Variants in LRP8 observed in about 807,000 individuals in gnomAD.
The protein encoded by LRP8 is LDL receptor related protein 8.
Under a neutral mutation model 111.6 loss-of-function variants are expected in LRP8, and 46 were observed. The observed-to-expected ratio is 0.41, with a 90% CI of 0.33 to 0.53. The LOEUF is 0.53. Ranked by LOEUF, LRP8 falls within the 20% of genes least tolerant of loss-of-function variation. LRP8 has a pLI of 0.20. For missense variants in LRP8, 959 were observed against 1,297.4 expected (o/e 0.74, Z 4.01); for synonymous variants, 464 against 511.2 (o/e 0.91, Z 1.24).
chr1:53,270,890 A>G, intron 8 of LRP8, 138 bp downstream of exon 8: 1 of 1,250,772 alleles, frequency 8.0e-7, no homozygotes, highest in Non-Finnish European at 1.1e-6. Context: ...CAAGGGACCG[A>G]GGATTCCCGT....
chr1:53,249,617 T>C lies in LRP8; in HGVS notation c.2677-61A>G. On this transcript the variant is annotated intron_variant, in intron 17 of 18. Coordinates refer to ENST00000306052, the MANE Select transcript of LRP8 (RefSeq NM_004631.5). This position sits in a 1 kb window ranked among gnomAD's most constrained non-coding sequence, Gnocchi z 4.1. ...GTCACACTCAGCCCCCTGACTGTGC[T>C]GTATAACAGTGACACCTGCTGTGCC... is the stretch of plus-strand genomic sequence containing the variant. The C allele has an allele frequency of 6.7e-7, 1 of 1,484,220 alleles. No homozygotes were observed. Among genetic ancestry groups the C allele is most frequent in the Non-Finnish European group, 9.0e-7 (1 of 1,116,518 alleles). The allele number at this position is 1,484,220 out of a possible 1,614,324, so 91.9% of individuals were successfully genotyped here.
rs748292716 is a variant in LRP8 at position 53,246,972 on chromosome 1, T to C, written c.*46A>G. 5.1e-6 allele frequency: 8 copies of C among 1,560,506 alleles called. No homozygotes were observed. Among genetic ancestry groups the C allele is most frequent in the African/African-American group, 4.1e-5 (3 of 73,740 alleles). On this transcript the variant is annotated 3_prime_UTR_variant, in exon 19 of 19. Transcript: ENST00000306052. ...CAGTCATACACCATCCAGAGTGTAG[T>C]GCATGGGACTGAATTCCATGAGGCA...
At chr1:53,315,724 C>A (rs962199955) in intron 2 of LRP8, among the ~76,000 whole-genome samples, 1 of 152,192 alleles carries the variant, frequency 6.6e-6, no homozygotes, top group African/African-American at 2.4e-5. Flanking sequence ...AAAAAGCTGC[C>A]CCAAGTGACA....
At chr1:53,253,237 A>G (rs1645956152) in intron 16 of LRP8, among the ~76,000 whole-genome samples, 1 of 152,230 alleles carries the variant, frequency 6.6e-6, no homozygotes, top group African/African-American at 2.4e-5. Flanking sequence ...AAACCCAGAA[A>G]TCTTAAAAGA....
chr1:53,273,444 T>C (rs781471682), intron 6 of LRP8, among the ~76,000 whole-genome samples: 1 of 152,184 alleles, frequency 6.6e-6, no homozygotes. Flanking sequence ...GAAGAAGACA[T>C]GGATACAGAC....
intron 5 of LRP8, among the ~76,000 whole-genome samples, chr1:53,276,489 G>A (rs971007624): frequency 1.3e-5 from 2 of 152,140 alleles, no homozygotes; most frequent in South Asian, 2.1e-4. Context: ...GAGGCTTCTG[G>A]AGTTAGACCT....
chr1:53,298,259 G>A (rs1044504074), intron 2 of LRP8, among the ~76,000 whole-genome samples: 3 of 152,236 alleles, frequency 2.0e-5, no homozygotes, highest in Admixed American at 1.3e-4. Context: ...CAGGGAAGAA[G>A]AGCGTCTCCG....
chr1:53,273,776 A>AC (rs1228523246), intron 6 of LRP8, among the ~76,000 whole-genome samples: 4 of 152,112 alleles, frequency 2.6e-5, no homozygotes, highest in African/African-American at 9.7e-5. Flanking sequence ...TCAGTTTTTT[A>AC]ATCTTCAAAA....
Position 53,249,621 on chromosome 1 carries a change from T to C in LRP8, c.2677-65A>G, listed in dbSNP as rs1645834196. The C allele has an allele frequency of 6.7e-7, 1 of 1,485,988 alleles. No homozygotes were observed. Among genetic ancestry groups the C allele is most frequent in the Non-Finnish European group, 9.0e-7 (1 of 1,117,112 alleles). 92.1% of individuals were successfully genotyped at this position (1,485,988 alleles called of 1,614,324 possible). On this transcript the variant is annotated intron_variant, in intron 17 of 18. Coordinates refer to ENST00000306052, the MANE Select transcript of LRP8 (RefSeq NM_004631.5). This position sits in a 1 kb window ranked among gnomAD's most constrained non-coding sequence, Gnocchi z 4.1. The stretch of plus-strand genomic sequence containing the variant: ...CACTCAGCCCCCTGACTGTGCTGTA[T>C]AACAGTGACACCTGCTGTGCCACTT...
intron 15 of LRP8, 41 bp from the exon 16 acceptor site, chr1:53,255,226 G>C (rs1206078964): frequency 1.3e-6 from 2 of 1,582,698 alleles, no homozygotes; most frequent in Non-Finnish European, 1.7e-6. Context: ...CTCTATCACT[G>C]TGTGTCCAAG....
intron 6 of LRP8, chr1:53,272,524 G>T: frequency 8.0e-7 from 1 of 1,250,742 alleles, no homozygotes; most frequent in Non-Finnish European, 1.0e-6. Flanking sequence ...GCTGGTCTGA[G>T]CTGCCCACCC....
In LRP8 at chr1:53,257,240, A is replaced by C. The variant is rs370339332; in HGVS notation, c.2434T>G (p.Tyr812Asp). Residue 812 changes from tyrosine (Y) to aspartate (D), a missense_variant and splice_region_variant, in exon 15 of 19, where the codon TAT becomes GAT. Physicochemically the swap from Tyr to Asp is radical, Grantham distance 160. This residue lies in a region of LRP8 where 819 missense variants were observed against 1,097.6 expected (regional missense o/e 0.75). Transcript: ENST00000306052. Reference protein sequence around the residue: ...SPATSNHSQHYANEDSKMGST... With the variant: ...SPATSNHSQHDANEDSKMGST... Reference sequence around the variant, plus strand: ...AAGAATGCAGAACTCATTTCCTTACAGTGCTGGGAGTGGTTGCTGGTTGCA... The same window carrying C: ...AAGAATGCAGAACTCATTTCCTTACCGTGCTGGGAGTGGTTGCTGGTTGCA... 21 of 1,613,752 alleles carry C rather than the reference A, an allele frequency of 1.3e-5. No individual in the cohort carries two copies. The highest frequency in any genetic ancestry group is 1.5e-5 in the Non-Finnish European group (18 of 1,179,954).
chr1:53,260,644 G>A (rs368433469), intron 12 of LRP8, 39 bp from the exon 13 acceptor site: 191 of 1,603,042 alleles, frequency 1.2e-4, no homozygotes, highest in Non-Finnish European at 1.5e-4. Flanking sequence ...GGCCTGGAGT[G>A]TAAATCCATG....
At position 53,294,964 on chromosome 1, in the gene LRP8, G is replaced by A. The variant is rs977397473; in HGVS notation, c.245-5275C>T. Among the ~76,000 whole-genome samples the A allele has an allele frequency of 6.6e-6, 1 of 152,208 alleles. No homozygotes were observed. Among genetic ancestry groups the A allele is most frequent in the African/African-American group, 2.4e-5 (1 of 41,456 alleles). On this transcript the variant is annotated intron_variant, in intron 2 of 18. Coordinates refer to ENST00000306052, the MANE Select transcript of LRP8 (RefSeq NM_004631.5). The surrounding 1 kb of genome is among the most constrained non-coding windows in gnomAD (Gnocchi z 4.1). Reference sequence around the variant, plus strand: ...CTGTGCAGCTTCCTCTTGGCAATCCGAATGTCCTGCCGTGTTGGACTCCAG... The same window carrying A: ...CTGTGCAGCTTCCTCTTGGCAATCCAAATGTCCTGCCGTGTTGGACTCCAG...
chr1:53,287,756 C>A (rs569072604), intron 3 of LRP8, among the ~76,000 whole-genome samples: 45 of 152,152 alleles, frequency 3.0e-4, no homozygotes, highest in Middle Eastern at 3.4e-3. Flanking sequence ...GCAGGAGGGC[C>A]CCTGCCCAGC....
chr1:53,291,485 G>A (rs913792854), intron 2 of LRP8, among the ~76,000 whole-genome samples: 1 of 152,028 alleles, frequency 6.6e-6, no homozygotes, highest in Non-Finnish European at 1.5e-5. Context: ...TATACTCCAT[G>A]CTTTTTATAC....
chr1:53,308,395 C>G (rs1652388355), intron 2 of LRP8, among the ~76,000 whole-genome samples: 1 of 152,194 alleles, frequency 6.6e-6, no homozygotes, highest in Admixed American at 6.5e-5. Context: ...CCATGAGGAT[C>G]CTGGGGGGTT....
At chr1:53,263,403 A>G (rs775321267) in intron 10 of LRP8, among the ~76,000 whole-genome samples, 2 of 152,194 alleles carry the variant, frequency 1.3e-5, no homozygotes, top group Non-Finnish European at 2.9e-5. Context: ...CCTGTTTAAC[A>G]AGGAAATAGC....
In LRP8 at chr1:53,303,212, C is replaced by T. The variant is rs1651308477; in HGVS notation, c.245-13523G>A. 6.6e-6 allele frequency among the ~76,000 whole-genome samples: 1 copy of T among 152,172 alleles called. No individual in the cohort carries two copies. The highest frequency in any genetic ancestry group is 2.4e-5 in the African/African-American group (1 of 41,436). Reference sequence around the variant, plus strand: ...TTTGGGGAGAGCTGGGTTGCCTCCCCGTTCGAATGGGAGAGGGCCGGGGGC... The same window carrying T: ...TTTGGGGAGAGCTGGGTTGCCTCCCTGTTCGAATGGGAGAGGGCCGGGGGC... On this transcript the variant is annotated intron_variant, in intron 2 of 18. Coordinates refer to ENST00000306052, the MANE Select transcript of LRP8 (RefSeq NM_004631.5). This position sits in a 1 kb window ranked among gnomAD's most constrained non-coding sequence, Gnocchi z 4.3.
Sources: allele counts gnomAD v4.1 joint callset (sites outside exome capture counted in the v4.1 genomes callset), GRCh38; gene constraint gnomAD v4.1.1; regional missense constraint gnomAD v4.1.1; non-coding constraint Gnocchi (gnomAD v3.1); transcripts MANE v1.5; gene names NCBI Gene and HGNC (gene_info 2026-07-23, HGNC 2026-07-21).